Variants in ZNF292 observed in about 807,000 individuals in gnomAD.
The protein encoded by ZNF292 is 16 zinc-finger domain protein.
ZNF292 carries 26 observed loss-of-function variants against 217.9 expected under a neutral mutation model. The ratio of observed to expected loss-of-function variants is 0.12; its 90% CI spans 0.09 to 0.17. ZNF292 has a LOEUF of 0.17. Among genes scored for constraint, ZNF292 ranks in the 10% least tolerant of loss-of-function variants. The pLI is 1.00. For missense variants in ZNF292, 2,904 were observed against 3,175.2 expected (o/e 0.91, Z 2.05); for synonymous variants, 1,257 against 1,124.1 (o/e 1.12, Z -2.37).
At position 87,228,112 on chromosome 6, in the gene ZNF292, G is replaced by GT. The variant is rs569722832; in HGVS notation, c.539-5206dup. ...ACATCCTCACCAACACTTGTTTTCT[G>GT]TTTTTTTCGTAGTAGTCATCCTACT... On this transcript the variant is annotated intron_variant, in intron 4 of 7. Transcript: ENST00000369577. Among the ~76,000 whole-genome samples the GT allele has an allele frequency of 1.7e-3, 265 of 152,104 alleles. 1 individual carries two copies. Among genetic ancestry groups the GT allele is most frequent in the African/African-American group, 5.3e-3 (219 of 41,494 alleles).
intron 1 of ZNF292, among the ~76,000 whole-genome samples, chr6:87,176,646 C>G (rs570014907): frequency 6.6e-6 from 1 of 152,306 alleles, no homozygotes; most frequent in East Asian, 1.9e-4. Flanking sequence ...TCTTCACTAG[C>G]AACACTCAAG....
At chr6:87,242,652 C>G (rs1774350601) in intron 5 of ZNF292, among the ~76,000 whole-genome samples, 2 of 152,138 alleles carry the variant, frequency 1.3e-5, no homozygotes, top group African/African-American at 4.8e-5. Flanking sequence ...TCTTTCTATT[C>G]TGTGGAACAC....
chr6:87,178,155 T>A (rs1771361487), intron 1 of ZNF292, among the ~76,000 whole-genome samples: 1 of 152,224 alleles, frequency 6.6e-6, no homozygotes, highest in Non-Finnish European at 1.5e-5. Context: ...AGGGATTTAA[T>A]TACGTGTTCC....
intron 1 of ZNF292, among the ~76,000 whole-genome samples, chr6:87,194,621 A>G (rs187016128): frequency 2.6e-5 from 4 of 152,258 alleles, no homozygotes; most frequent in Admixed American, 2.6e-4. Context: ...AACTACTGAA[A>G]TTGAATCAAG....
At chr6:87,239,991 C>T (rs551722505) in intron 5 of ZNF292, among the ~76,000 whole-genome samples, 40 of 152,234 alleles carry the variant, frequency 2.6e-4, no homozygotes, top group African/African-American at 9.4e-4. Context: ...TTTGGGAGGC[C>T]AAGGCAGGCG....
chr6:87,201,498 G>A (rs937846479), intron 1 of ZNF292, among the ~76,000 whole-genome samples: 9 of 152,078 alleles, frequency 5.9e-5, no homozygotes, highest in Admixed American at 1.3e-4. Flanking sequence ...TCCGCCTCCC[G>A]GGTTCAAGCG....
chr6:87,236,389 G>GT (rs770752267), intron 5 of ZNF292, among the ~76,000 whole-genome samples: 4,435 of 130,598 alleles, frequency 0.034, 174 homozygotes, highest in African/African-American at 0.1. Flanking sequence ...CCCATAGGTT[G>GT]TTTTTTTTTT....
chr6:87,190,116 A>C (rs1227649500), intron 1 of ZNF292, among the ~76,000 whole-genome samples: 1 of 152,162 alleles, frequency 6.6e-6, no homozygotes, highest in South Asian at 2.1e-4. Flanking sequence ...GTGTGTATGC[A>C]TATGTGTGTA....
At chr6:87,171,871 TATC>T (rs1185440585) in intron 1 of ZNF292, among the ~76,000 whole-genome samples, 1 of 152,228 alleles carries the variant, frequency 6.6e-6, no homozygotes, top group African/African-American at 2.4e-5. Context: ...CTCTATATCC[TATC>T]ATCTAGATTT....
chr6:87,213,284 C>T (rs1041621336), intron 1 of ZNF292, among the ~76,000 whole-genome samples: 1 of 152,150 alleles, frequency 6.6e-6, no homozygotes, highest in Non-Finnish European at 1.5e-5. Context: ...TGCTTATTCC[C>T]GGTGCCACAA....
intron 1 of ZNF292, among the ~76,000 whole-genome samples, chr6:87,190,216 C>T (rs1472687879): frequency 2.6e-5 from 4 of 152,204 alleles, no homozygotes; most frequent in Non-Finnish European, 5.9e-5. Flanking sequence ...TATATCCTTG[C>T]TAACCATAAT....
At position 87,226,764 on chromosome 6, in the gene ZNF292, C is replaced by T. The variant is rs1013004853; in HGVS notation, c.539-6561C>T. On this transcript the variant is annotated intron_variant, in intron 4 of 7. Coordinates refer to ENST00000369577, the MANE Select transcript of ZNF292 (RefSeq NM_015021.3). ...CATGATCTTGCCTCACTGCAACCTCCGCCTCCTGGATTCAAGCGATTCTCC... is the reference window on the plus strand; with the variant it reads ...CATGATCTTGCCTCACTGCAACCTCTGCCTCCTGGATTCAAGCGATTCTCC... 7.3e-5 allele frequency among the ~76,000 whole-genome samples: 11 copies of T among 151,266 alleles called. No homozygotes were observed. The South Asian group carries it at 8.3e-4, about 11-fold the overall frequency.
chr6:87,250,261 A>G (rs968731313), intron 7 of ZNF292, among the ~76,000 whole-genome samples: 1 of 139,830 alleles, frequency 7.2e-6, no homozygotes, highest in South Asian at 2.3e-4. Flanking sequence ...GTGAAACCTG[A>G]TCTCTACCAA....
rs1167981329 is a variant in ZNF292, at chr6:87,257,550, C to T, written c.3921C>T (p.Ser1307=). The change falls in exon 8 of 8, where the codon TCC becomes TCT. Residue 1307 remains serine, a synonymous_variant. Transcript: ENST00000369577. The part of the protein sequence containing the change: ...YSSQIEGNTN[S]SFLKGGNGEN... ...CACAGATTGAAGGAAACACTAATTC[C>T]TCCTTTCTAAAGGGGGGTAATGGTG... is the stretch of plus-strand genomic sequence containing the variant. 1 of 1,607,492 alleles carries T rather than the reference C, an allele frequency of 6.2e-7. No homozygotes were observed. The highest frequency in any genetic ancestry group is 2.2e-5 in the East Asian group (1 of 44,788).
At chr6:87,195,921 A>G (rs911689002) in intron 1 of ZNF292, among the ~76,000 whole-genome samples, 4 of 151,550 alleles carry the variant, frequency 2.6e-5, no homozygotes, top group African/African-American at 4.8e-5. Context: ...CTTGCTAACC[A>G]GGAGGCTGAG....
intron 7 of ZNF292, among the ~76,000 whole-genome samples, chr6:87,251,395 T>G (rs1163041114): frequency 6.6e-6 from 1 of 152,304 alleles, no homozygotes; most frequent in Non-Finnish European, 1.5e-5. Flanking sequence ...TGGCTTTAGG[T>G]CAAGGATACT....
rs1455312306 is a variant in ZNF292 at position 87,159,086 on chromosome 6, G to A, written c.168+3327G>A. Among the ~76,000 whole-genome samples the A allele has an allele frequency of 3.9e-5, 6 of 152,182 alleles. No homozygotes were observed. In the East Asian group the frequency reaches 1.2e-3, roughly 29 times the overall value. ...AAGTTCAGTTTCTGGAGAATGTGGT[G>A]AAACCCACAGAAACAGGAGTTGCTT... On this transcript the variant is annotated intron_variant, in intron 1 of 7. Transcript: ENST00000369577.
Position 87,162,676 on chromosome 6 carries a change from C to T in ZNF292, c.168+6917C>T, listed in dbSNP as rs182914318. On this transcript the variant is annotated intron_variant, in intron 1 of 7. Transcript: ENST00000369577. The stretch of plus-strand genomic sequence containing the variant: ...AGCAAAACTAAGCTTTGCTTGCCCC[C>T]TTCTTATCCTTTTTGGACCTAAATT... 2.4e-3 allele frequency among the ~76,000 whole-genome samples: 359 copies of T among 152,296 alleles called. 1 individual carries two copies. The highest frequency in any genetic ancestry group is 4.0e-3 in the Non-Finnish European group (275 of 68,014).
chr6:87,224,581 C>T (rs1773246850), intron 4 of ZNF292, among the ~76,000 whole-genome samples: 1 of 152,170 alleles, frequency 6.6e-6, no homozygotes, highest in African/African-American at 2.4e-5. Flanking sequence ...GCTTTTCATT[C>T]AAGCTTCTTT....
Sources: allele counts gnomAD v4.1 joint callset (sites outside exome capture counted in the v4.1 genomes callset), GRCh38; gene constraint gnomAD v4.1.1; transcripts MANE v1.5; gene names NCBI Gene and HGNC (gene_info 2026-07-23, HGNC 2026-07-21).